OR1Q1: variants seen among roughly 807,000 people sequenced by gnomAD.
OR1Q1 encodes olfactory receptor family 1 subfamily Q member 1.
For missense variants in OR1Q1, 362 were observed against 391.1 expected (o/e 0.93, Z 0.63); for synonymous variants, 151 against 143.0 (o/e 1.06, Z -0.40).
Position 122,614,905 on chromosome 9 carries a change from C to T in OR1Q1, c.168C>T (p.His56=), listed in dbSNP as rs1190616396. The T allele has an allele frequency of 1.2e-6, 2 of 1,614,206 alleles. No homozygotes were observed. The highest frequency in any genetic ancestry group is 4.5e-5 in the East Asian group (2 of 44,888). The change falls in exon 1 of 1, where the codon CAC becomes CAT. Residue 56 remains histidine, a synonymous_variant. Coordinates refer to ENST00000297913, the MANE Select transcript of OR1Q1 (RefSeq NM_012364.1). ...TGATTCTCTCTGCTCCACGCCTCCA[C>T]ATCCCCATGTACATCTTCCTCAGTA... ...ITLILSAPRL[H]IPMYIFLSNL... is the part of the protein sequence containing the mutation.
Position 122,615,505 on chromosome 9 carries a change from T to G in OR1Q1, c.768T>G (p.Ser256Arg). ...TVVAIFYGTL[S>R]WVYFRPLSSY... ...TGGCCATATTCTATGGCACCCTCAG[T>G]TGGGTCTACTTCCGGCCCCTTTCCA... The change falls in exon 1 of 1, where the codon AGT becomes AGG. Residue 256 changes from serine to arginine, a missense_variant. By Grantham distance (110) the Ser-to-Arg change is moderately radical (BLOSUM62 -1). Transcript: ENST00000297913. 6.2e-7 allele frequency: 1 copy of G among 1,613,006 alleles called. No individual in the cohort carries two copies. Among genetic ancestry groups the G allele is most frequent in the Non-Finnish European group, 8.5e-7 (1 of 1,179,392 alleles).
chr9:122,615,552 G>A lies in OR1Q1; in HGVS notation c.815G>A (p.Arg272His), dbSNP rs756129489. Residue 272 changes from arginine (R) to histidine (H), a missense_variant, in exon 1 of 1, where the codon CGC becomes CAC. Physicochemically the swap from Arg to His is conservative, Grantham distance 29. Transcript: ENST00000297913. Reference sequence around the variant, plus strand: ...TCCAGCTATTCAGTGACCAAGGGTCGCATTATAACAGTCGTGTACACAGTG... The same window carrying A: ...TCCAGCTATTCAGTGACCAAGGGTCACATTATAACAGTCGTGTACACAGTG... ...PLSSYSVTKG[R>H]IITVVYTVVT... The A allele has an allele frequency of 4.6e-5, 74 of 1,605,266 alleles. No individual in the cohort carries two copies. The highest frequency in any genetic ancestry group is 2.8e-4 in the South Asian group (25 of 89,070).
At position 122,615,304 on chromosome 9, in the gene OR1Q1, C is replaced by T. The variant is rs1274143768; in HGVS notation, c.567C>T (p.Cys189=). ...CDLYALMKIS[C]TSTYLNTLMI... is the part of the protein sequence containing the mutation. ...TCTACGCTCTGATGAAGATCTCCTG[C>T]ACCAGCACCTACCTCAACACCCTTA... is the stretch of plus-strand genomic sequence containing the variant. Residue 189 remains cysteine (C), a synonymous_variant, in exon 1 of 1, where the codon TGC becomes TGT. Coordinates refer to ENST00000297913, the MANE Select transcript of OR1Q1 (RefSeq NM_012364.1). 1.2e-6 allele frequency: 2 copies of T among 1,614,110 alleles called. No homozygotes were observed. Among genetic ancestry groups the T allele is most frequent in the African/African-American group, 1.3e-5 (1 of 74,944 alleles).
At position 122,615,544 on chromosome 9, in the gene OR1Q1, C is replaced by G; in HGVS notation, c.807C>G (p.Thr269=). The part of the protein sequence containing the change: ...YFRPLSSYSV[T]KGRIITVVYT... ...GGCCCCTTTCCAGCTATTCAGTGACCAAGGGTCGCATTATAACAGTCGTGT... is the reference window on the plus strand; with the variant it reads ...GGCCCCTTTCCAGCTATTCAGTGACGAAGGGTCGCATTATAACAGTCGTGT... Residue 269 remains threonine, a synonymous_variant, in exon 1 of 1, where the codon ACC becomes ACG. Coordinates refer to ENST00000297913, the MANE Select transcript of OR1Q1 (RefSeq NM_012364.1). 6.2e-7 allele frequency: 1 copy of G among 1,606,508 alleles called. No homozygotes were observed. Among genetic ancestry groups the G allele is most frequent in the Non-Finnish European group, 8.5e-7 (1 of 1,176,346 alleles).
In OR1Q1 at chr9:122,615,476, G is replaced by T; in HGVS notation, c.739G>T (p.Val247Leu). ...TFSTCGSHLT[V>L]VAIFYGTLSW... ...TTCTACCTGCGGCTCCCACCTCACT[G>T]TGGTGGCCATATTCTATGGCACCCT... is the stretch of plus-strand genomic sequence containing the variant. The change falls in exon 1 of 1, where the codon GTG becomes TTG. Residue 247 changes from valine (V) to leucine (L), a missense_variant. Val to Leu is a conservative substitution (Grantham distance 32). Coordinates refer to ENST00000297913, the MANE Select transcript of OR1Q1 (RefSeq NM_012364.1). The T allele has an allele frequency of 6.2e-7, 1 of 1,614,014 alleles. No homozygotes were observed. The highest frequency in any genetic ancestry group is 8.5e-7 in the Non-Finnish European group (1 of 1,179,990).
Position 122,615,566 on chromosome 9 carries a change from G to C in OR1Q1, c.829G>C (p.Val277Leu). The C allele has an allele frequency of 6.2e-7, 1 of 1,604,018 alleles. No individual in the cohort carries two copies. Among genetic ancestry groups the C allele is most frequent in the Non-Finnish European group, 8.5e-7 (1 of 1,175,536 alleles). ...SVTKGRIITV[V>L]YTVVTPMLNP... ...GACCAAGGGTCGCATTATAACAGTC[G>C]TGTACACAGTGGTGACTCCCATGCT... The change falls in exon 1 of 1, where the codon GTG (valine) becomes CTG (leucine). Residue 277 changes from valine to leucine, a missense_variant. Val to Leu is a conservative substitution (Grantham distance 32, BLOSUM62 1). Transcript: ENST00000297913.
Position 122,615,181 on chromosome 9 carries a change from C to T in OR1Q1, c.444C>T (p.Cys148=), listed in dbSNP as rs549693692. Reference sequence around the variant, plus strand: ...TGTGTGTGAAGATGGTGGTCATGTGCCATGCTCTCTCCCACCTTCATGCCA... The same window carrying T: ...TGTGTGTGAAGATGGTGGTCATGTGTCATGCTCTCTCCCACCTTCATGCCA... ...RMLCVKMVVM[C]HALSHLHAML... is the part of the protein sequence containing the mutation. The change falls in exon 1 of 1, where the codon TGC becomes TGT. Residue 148 remains cysteine (C), a synonymous_variant. Coordinates refer to ENST00000297913, the MANE Select transcript of OR1Q1 (RefSeq NM_012364.1). 2.5e-6 allele frequency: 4 copies of T among 1,614,128 alleles called. No individual in the cohort carries two copies. In the South Asian group the frequency reaches 4.4e-5, roughly 18 times the overall value.
chr9:122,615,596 C>T lies in OR1Q1; in HGVS notation c.859C>T (p.Pro287Ser). The stretch of plus-strand genomic sequence containing the variant: ...CACAGTGGTGACTCCCATGCTGAAC[C>T]CCTTCATCTACAGCCTGAGGAATGG... Reference protein sequence around the residue: ...VYTVVTPMLNPFIYSLRNGDV... With the variant: ...VYTVVTPMLNSFIYSLRNGDV... The change falls in exon 1 of 1, where the codon CCC (proline) becomes TCC (serine). Residue 287 changes from proline (P) to serine (S), a missense_variant. Transcript: ENST00000297913. 3 of 1,598,654 alleles carry T rather than the reference C, an allele frequency of 1.9e-6. No homozygotes were observed. The highest frequency in any genetic ancestry group is 2.6e-6 in the Non-Finnish European group (3 of 1,173,974).
In OR1Q1 at chr9:122,614,918, A is replaced by G. The variant is rs1026771629; in HGVS notation, c.181A>G (p.Ile61Val). The change falls in exon 1 of 1, where the codon ATC (isoleucine) becomes GTC (valine). Residue 61 changes from isoleucine to valine, a missense_variant. By Grantham distance (29) the Ile-to-Val change is conservative (BLOSUM62 3). Transcript: ENST00000297913. ...TCCACGCCTCCACATCCCCATGTAC[A>G]TCTTCCTCAGTAACTTGGCCTTGAC... ...SAPRLHIPMY[I>V]FLSNLALTDI... is the part of the protein sequence containing the mutation. 1.9e-6 allele frequency: 3 copies of G among 1,614,114 alleles called. No homozygotes were observed. In the Admixed American group the frequency reaches 5.0e-5, roughly 27 times the overall value.
At position 122,615,668 on chromosome 9, in the gene OR1Q1, T is replaced by C; in HGVS notation, c.931T>C (p.Phe311Leu). 1.3e-6 allele frequency: 2 copies of C among 1,541,572 alleles called. No homozygotes were observed. The highest frequency in any genetic ancestry group is 8.7e-7 in the Non-Finnish European group (1 of 1,152,896). The stretch of plus-strand genomic sequence containing the variant: ...GAAATGGATGAGCAGAATGCAGACT[T>C]TTTTCTTTAGATAAAACCCCAAACA... ...FMKWMSRMQT[F>L]FFR Residue 311 changes from phenylalanine (F) to leucine (L), a missense_variant, in exon 1 of 1, where the codon TTT (phenylalanine) becomes CTT (leucine). By Grantham distance (22) the Phe-to-Leu change is conservative. Coordinates refer to ENST00000297913, the MANE Select transcript of OR1Q1 (RefSeq NM_012364.1).
Position 122,615,532 on chromosome 9 carries a change from C to A in OR1Q1, c.795C>A (p.Ser265Arg), listed in dbSNP as rs372075772. 24 of 1,608,970 alleles carry A rather than the reference C, an allele frequency of 1.5e-5. No homozygotes were observed. The African/African-American group carries it at 3.2e-4, about 21-fold the overall frequency. The change falls in exon 1 of 1, where the codon AGC (serine) becomes AGA (arginine). Residue 265 changes from serine (S) to arginine (R), a missense_variant. By Grantham distance (110) the Ser-to-Arg change is moderately radical. Transcript: ENST00000297913. ...GGGTCTACTTCCGGCCCCTTTCCAG[C>A]TATTCAGTGACCAAGGGTCGCATTA... Reference protein sequence around the residue: ...LSWVYFRPLSSYSVTKGRIIT... With the variant: ...LSWVYFRPLSRYSVTKGRIIT...
Position 122,614,775 on chromosome 9 carries a change from T to C in OR1Q1, c.38T>C (p.Val13Ala). ...AACTGGACCAGTGTGTCCCATTTTG[T>C]TCTCTTGGGCATTTCCACCCACCCA... ...NSNWTSVSHF[V>A]LLGISTHPEE... The change falls in exon 1 of 1, where the codon GTT (valine) becomes GCT (alanine). Residue 13 changes from valine (V) to alanine (A), a missense_variant. Physicochemically the swap from Val to Ala is moderately conservative, Grantham distance 64. Transcript: ENST00000297913. 6.2e-7 allele frequency: 1 copy of C among 1,613,864 alleles called. No homozygotes were observed. The highest frequency in any genetic ancestry group is 8.5e-7 in the Non-Finnish European group (1 of 1,179,832).
At position 122,615,017 on chromosome 9, in the gene OR1Q1, T is replaced by C; in HGVS notation, c.280T>C (p.Tyr94His). 1 of 1,614,198 alleles carries C rather than the reference T, an allele frequency of 6.2e-7. No individual in the cohort carries two copies. Among genetic ancestry groups the C allele is most frequent in the South Asian group, 1.1e-5 (1 of 91,080 alleles). Residue 94 changes from tyrosine (Y) to histidine (H), a missense_variant, in exon 1 of 1, where the codon TAC becomes CAC. Coordinates refer to ENST00000297913, the MANE Select transcript of OR1Q1 (RefSeq NM_012364.1). Reference sequence around the variant, plus strand: ...TTTCTCCCCTACAAAGGTAATTTCCTACACAGGCTGTTTAGCCCAAACTTA... The same window carrying C: ...TTTCTCCCCTACAAAGGTAATTTCCCACACAGGCTGTTTAGCCCAAACTTA... ...IIFSPTKVIS[Y>H]TGCLAQTYFF... is the part of the protein sequence containing the mutation.
In OR1Q1 at chr9:122,614,760, G is replaced by A. The variant is rs1270968713; in HGVS notation, c.23G>A (p.Ser8Asn). The change falls in exon 1 of 1, where the codon AGT (serine) becomes AAT (asparagine). Residue 8 changes from serine (S) to asparagine (N), a missense_variant. Physicochemically the swap from Ser to Asn is conservative, Grantham distance 46. Transcript: ENST00000297913. ...CAGATGGACAACAGCAACTGGACCA[G>A]TGTGTCCCATTTTGTTCTCTTGGGC... Reference protein sequence around the residue: MDNSNWTSVSHFVLLGIS... With the variant: MDNSNWTNVSHFVLLGIS... 1.9e-6 allele frequency: 3 copies of A among 1,612,626 alleles called. No individual in the cohort carries two copies. Among genetic ancestry groups the A allele is most frequent in the East Asian group, 2.2e-5 (1 of 44,878 alleles).
chr9:122,615,360 G>A lies in OR1Q1; in HGVS notation c.623G>A (p.Ser208Asn). 1.9e-6 allele frequency: 3 copies of A among 1,614,190 alleles called. No individual in the cohort carries two copies. The highest frequency in any genetic ancestry group is 2.5e-6 in the Non-Finnish European group (3 of 1,180,036). The change falls in exon 1 of 1, where the codon AGT becomes AAT. Residue 208 changes from serine (S) to asparagine (N), a missense_variant. Coordinates refer to ENST00000297913, the MANE Select transcript of OR1Q1 (RefSeq NM_012364.1). ...CACACAGAAGGTGCTGTTGTAATCA[G>A]TGGAGCTCTGGCCTTCATTACTGCC... The part of the protein sequence containing the change: ...MIHTEGAVVI[S>N]GALAFITASY...
Position 122,615,466 on chromosome 9 carries a change from C to T in OR1Q1, c.729C>T (p.Ser243=), listed in dbSNP as rs1830047904. ...GRWKTFSTCG[S]HLTVVAIFYG... is the part of the protein sequence containing the mutation. ...GGAAAACCTTTTCTACCTGCGGCTC[C>T]CACCTCACTGTGGTGGCCATATTCT... is the stretch of plus-strand genomic sequence containing the variant. The change falls in exon 1 of 1, where the codon TCC becomes TCT. Residue 243 remains serine (S), a synonymous_variant. Coordinates refer to ENST00000297913, the MANE Select transcript of OR1Q1 (RefSeq NM_012364.1). 2.5e-6 allele frequency: 4 copies of T among 1,613,954 alleles called. No homozygotes were observed. The highest frequency in any genetic ancestry group is 3.4e-6 in the Non-Finnish European group (4 of 1,180,014).
In OR1Q1 at chr9:122,614,873, A is replaced by G. The variant is rs1830039427; in HGVS notation, c.136A>G (p.Ile46Val). 3.1e-6 allele frequency: 5 copies of G among 1,613,944 alleles called. No individual in the cohort carries two copies. The highest frequency in any genetic ancestry group is 3.4e-6 in the Non-Finnish European group (4 of 1,180,022). The change falls in exon 1 of 1, where the codon ATC (isoleucine) becomes GTC (valine). Residue 46 changes from isoleucine to valine, a missense_variant. By Grantham distance (29) the Ile-to-Val change is conservative (BLOSUM62 3). Coordinates refer to ENST00000297913, the MANE Select transcript of OR1Q1 (RefSeq NM_012364.1). Reference protein sequence around the residue: ...AINISGNLAIITLILSAPRLH... With the variant: ...AINISGNLAIVTLILSAPRLH... ...CAATATTTCTGGCAACTTGGCCATCATCACACTGATTCTCTCTGCTCCACG... is the reference window on the plus strand; with the variant it reads ...CAATATTTCTGGCAACTTGGCCATCGTCACACTGATTCTCTCTGCTCCACG...
rs757209108 is a variant in OR1Q1, at chr9:122,615,588, T to G, written c.851T>G (p.Met284Arg). 4.4e-6 allele frequency: 7 copies of G among 1,600,488 alleles called. No individual in the cohort carries two copies. The highest frequency in any genetic ancestry group is 5.1e-6 in the Non-Finnish European group (6 of 1,174,552). ...ITVVYTVVTP[M>R]LNPFIYSLRN... The stretch of plus-strand genomic sequence containing the variant: ...GTCGTGTACACAGTGGTGACTCCCA[T>G]GCTGAACCCCTTCATCTACAGCCTG... The change falls in exon 1 of 1, where the codon ATG becomes AGG. Residue 284 changes from methionine (M) to arginine (R), a missense_variant. By Grantham distance (91) the Met-to-Arg change is moderately conservative. Coordinates refer to ENST00000297913, the MANE Select transcript of OR1Q1 (RefSeq NM_012364.1).
chr9:122,614,978 A>G lies in OR1Q1; in HGVS notation c.241A>G (p.Met81Val), dbSNP rs1259514045. The G allele has an allele frequency of 6.2e-7, 1 of 1,614,010 alleles. No individual in the cohort carries two copies. The highest frequency in any genetic ancestry group is 8.5e-7 in the Non-Finnish European group (1 of 1,180,010). ...CTTCACCTCCACCACGGTCCCCAAG[A>G]TGCTGCAGATTATTTTCTCCCCTAC... The part of the protein sequence containing the change: ...ICFTSTTVPK[M>V]LQIIFSPTKV... Residue 81 changes from methionine to valine, a missense_variant, in exon 1 of 1, where the codon ATG becomes GTG. Transcript: ENST00000297913.
Sources: gnomAD v4.1 joint callset for allele counts on GRCh38, gnomAD v4.1.1 for gene constraint, MANE v1.5 for transcripts, NCBI Gene and HGNC (gene_info 2026-07-23, HGNC 2026-07-21) for gene names.